The following WDR19 variants were observed in gnomAD, a reference collection of about 807,000 sequenced individuals.
WDR19 encodes WD repeat domain 19, also known as WD repeat-containing protein 19.
Under a neutral mutation model 180.0 loss-of-function variants are expected in WDR19, and 121 were observed. The observed-to-expected ratio is 0.67, with a 90% CI of 0.58 to 0.78. WDR19 has a LOEUF of 0.78. WDR19 is among the 30% of genes least tolerant of loss of function. The pLI, the probability that WDR19 is intolerant of heterozygous loss-of-function variation, is 0.00. For missense variants in WDR19, 1,450 were observed against 1,640.7 expected (o/e 0.88, Z 2.01); for synonymous variants, 497 against 540.7 (o/e 0.92, Z 1.12).
In WDR19 at chr4:39,273,146, C is replaced by T. The variant is rs991210305; in HGVS notation, c.3565+85C>T. The T allele has an allele frequency of 4.0e-6, 4 of 999,422 alleles. No homozygotes were observed. In the South Asian group the frequency reaches 4.7e-5, roughly 12 times the overall value. 61.9% of individuals were successfully genotyped at this position (999,422 alleles called of 1,614,324 possible). ...CAGCGCCCCTTTTGCAGGCTCCCCT[C>T]ATACACTAACTCGTTTAATTCTCAC... is the stretch of plus-strand genomic sequence containing the variant. On this transcript the variant is annotated intron_variant, in intron 32 of 36. Transcript: ENST00000399820.
In WDR19 at chr4:39,275,951, G is replaced by A. The variant is rs1578055300; in HGVS notation, c.3716+993G>A. Among the ~76,000 whole-genome samples, 3 of 152,160 alleles carry A rather than the reference G, an allele frequency of 2.0e-5. No homozygotes were observed. In the East Asian group the frequency reaches 5.8e-4, roughly 29 times the overall value. ...GCTTCAGAAAGCAGTCAGTAGCCTG[G>A]TTTTTCTAGGTTTTTCTAAAGAAAA... On this transcript the variant is annotated intron_variant, in intron 33 of 36. Transcript: ENST00000399820.
intron 9 of WDR19, among the ~76,000 whole-genome samples, chr4:39,206,912 C>A (rs1423998529): frequency 6.6e-6 from 1 of 152,198 alleles, no homozygotes; most frequent in African/African-American, 2.4e-5. Flanking sequence ...TATTAACCTT[C>A]TCCATGGGAT....
intron 28 of WDR19, 150 bp downstream of exon 28, chr4:39,257,704 C>G (rs1733898938): frequency 5.8e-6 from 4 of 684,816 alleles, no homozygotes; most frequent in South Asian, 4.4e-5. Flanking sequence ...AATACATAGA[C>G]AGCCTCATTT....
chr4:39,234,153 A>T (rs2109374720), intron 19 of WDR19, among the ~76,000 whole-genome samples: 1 of 152,346 alleles, frequency 6.6e-6, no homozygotes, highest in Admixed American at 6.5e-5. Flanking sequence ...CTGGCAGATA[A>T]TAACACTTGA....
intron 36 of WDR19, among the ~76,000 whole-genome samples, chr4:39,278,888 A>C (rs1219755153): frequency 6.6e-6 from 1 of 152,236 alleles, no homozygotes; most frequent in African/African-American, 2.4e-5. Flanking sequence ...GATTCTGACT[A>C]GACCAGATTT....
At position 39,197,850 on chromosome 4, in the gene WDR19, T is replaced by C. The variant is rs190266670; in HGVS notation, c.407-1628T>C. On this transcript the variant is annotated intron_variant, in intron 5 of 36. Coordinates refer to ENST00000399820, the MANE Select transcript of WDR19 (RefSeq NM_025132.4). The stretch of plus-strand genomic sequence containing the variant: ...TCTTTTAGTTGTTACTGTTTTTGTT[T>C]TTCTGAGAGATAAGGTCTTGCTCTG... Among the ~76,000 whole-genome samples, 4 of 152,284 alleles carry C rather than the reference T, an allele frequency of 2.6e-5. No individual in the cohort carries two copies. The East Asian group carries it at 5.8e-4, about 22-fold the overall frequency.
At chr4:39,203,788 T>A in intron 7 of WDR19, 66 bp downstream of exon 7, 1 of 1,414,030 alleles carries the variant, frequency 7.1e-7, no homozygotes, top group East Asian at 2.4e-5. Flanking sequence ...ATAATTTACT[T>A]TTCTTGGATG....
At chr4:39,281,256 G>GAGAGAGAGAGAGAGAGAGAC (rs1736508644) in intron 36 of WDR19, among the ~76,000 whole-genome samples, 1 of 146,056 alleles carries the variant, frequency 6.8e-6, no homozygotes, top group Admixed American at 6.7e-5. Flanking sequence ...GAGAGAGAGA[G>GAGAGAGAGAGAGAGAGAGAC]AGAGAGAAAG....
At chr4:39,269,334 A>G (rs1735114894) in intron 30 of WDR19, among the ~76,000 whole-genome samples, 1 of 152,154 alleles carries the variant, frequency 6.6e-6, no homozygotes, top group South Asian at 2.1e-4. Context: ...GGCCCAGAGC[A>G]ATCCTGATGA....
intron 6 of WDR19, among the ~76,000 whole-genome samples, chr4:39,200,530 C>G (rs1727261896): frequency 6.6e-6 from 1 of 152,172 alleles, no homozygotes; most frequent in Non-Finnish European, 1.5e-5. Flanking sequence ...TTGTTATATT[C>G]AGGGCTTCAG....
At chr4:39,279,230 G>T (rs1365203222) in intron 36 of WDR19, among the ~76,000 whole-genome samples, 1 of 152,228 alleles carries the variant, frequency 6.6e-6, no homozygotes, top group Non-Finnish European at 1.5e-5. Context: ...AGGGAAAGGT[G>T]AAAGTAATTC....
In WDR19 at chr4:39,190,961, T is replaced by C. The variant is rs74928314; in HGVS notation, c.290+1180T>C. Reference sequence around the variant, plus strand: ...TTCTCACTCAGAGCAAAGTGCATAATTAATCCCCTGGTGTTTCTAACTGGT... The same window carrying C: ...TTCTCACTCAGAGCAAAGTGCATAACTAATCCCCTGGTGTTTCTAACTGGT... On this transcript the variant is annotated intron_variant, in intron 4 of 36. Transcript: ENST00000399820. 8.5e-3 allele frequency among the ~76,000 whole-genome samples: 1,295 copies of C among 152,346 alleles called. 17 individuals are homozygous for C. The highest frequency in any genetic ancestry group is 0.029 in the African/African-American group (1,213 of 41,576).
At chr4:39,239,123 G>T (rs1241697582) in intron 20 of WDR19, among the ~76,000 whole-genome samples, 1 of 151,846 alleles carries the variant, frequency 6.6e-6, no homozygotes, top group Non-Finnish European at 1.5e-5. Flanking sequence ...GATTACAGGC[G>T]CATGCCACCA....
At chr4:39,263,854 G>C (rs1734534735) in intron 28 of WDR19, among the ~76,000 whole-genome samples, 1 of 151,536 alleles carries the variant, frequency 6.6e-6, no homozygotes, top group Admixed American at 6.6e-5. Flanking sequence ...AACCCGGGAG[G>C]TGGAGGTTGC....
rs192915150 is a variant in WDR19 at position 39,231,683 on chromosome 4, G to A, written c.1983-114G>A. 1.1e-3 allele frequency: 969 copies of A among 893,278 alleles called. 3 individuals are homozygous for A. The highest frequency in any genetic ancestry group is 8.2e-4 in the Non-Finnish European group (522 of 640,002). 55.3% of individuals were successfully genotyped at this position (893,278 alleles called of 1,614,324 possible). On this transcript the variant is annotated intron_variant, in intron 17 of 36. Transcript: ENST00000399820. ...CTTGTAAATGACAATTACAGGTTAA[G>A]AAATGTTTTAGACAGTTTATCTGGG... is the stretch of plus-strand genomic sequence containing the variant.
At chr4:39,270,141 G>GT (rs1252220482) in intron 31 of WDR19, 41 bp downstream of exon 31, 2 of 1,606,820 alleles carry the variant, frequency 1.2e-6, no homozygotes, top group African/African-American at 2.7e-5. Flanking sequence ...CCTGCCAGGT[G>GT]TTTGTCCCCC....
intron 7 of WDR19, among the ~76,000 whole-genome samples, chr4:39,204,501 T>C (rs911604102): frequency 2.6e-5 from 4 of 152,386 alleles, no homozygotes; most frequent in African/African-American, 9.6e-5. Context: ...AGTAGTTCTT[T>C]GTTTCCTAAA....
intron 24 of WDR19, among the ~76,000 whole-genome samples, chr4:39,250,219 T>C: frequency 6.6e-6 from 1 of 152,046 alleles, no homozygotes; most frequent in Non-Finnish European, 1.5e-5. Context: ...AATCAATAAA[T>C]GTAATCCAGC....
intron 9 of WDR19, among the ~76,000 whole-genome samples, chr4:39,208,416 C>G (rs1388019266): frequency 6.6e-6 from 1 of 150,942 alleles, no homozygotes; most frequent in Admixed American, 6.6e-5. Flanking sequence ...AAGTGATTCT[C>G]CTACCTCAGC....
Sources: gnomAD v4.1 joint callset for allele counts (sites outside exome capture counted in the v4.1 genomes callset) on GRCh38, gnomAD v4.1.1 for gene constraint, MANE v1.5 for transcripts, NCBI Gene and HGNC (gene_info 2026-07-23, HGNC 2026-07-21) for gene names.